GALNT13: variants seen among roughly 807,000 people sequenced by gnomAD.
The protein encoded by GALNT13 is UDP-GalNAc:polypeptide N-acetylgalactosaminyltransferase 13.
A neutral mutation model predicts 64.2 loss-of-function variants in GALNT13; 28 were observed. That is an observed-to-expected ratio of 0.44 (90% confidence interval 0.32 to 0.60). The LOEUF is 0.60. Among genes scored for constraint, GALNT13 ranks in the 20% least tolerant of loss-of-function variants. The probability of loss-of-function intolerance (pLI) is 0.05; values close to 1 mark genes in which losing one functional copy is unlikely to be tolerated. For synonymous variants in GALNT13, 214 were observed against 224.6 expected, an observed-to-expected ratio of 0.95 and a Z score of 0.42; for missense variants, 577 against 669.8, an observed-to-expected ratio of 0.86 and a Z score of 1.53.
intron 3 of GALNT13, among the ~76,000 whole-genome samples, chr2:154,126,550 G>A (rs1201307738): frequency 1.3e-5 from 2 of 151,778 alleles, no homozygotes; most frequent in Non-Finnish European, 2.9e-5. Context: ...CAGGAGAATG[G>A]CGTGAACCCG....
chr2:154,151,197 C>T (rs1387226502), intron 4 of GALNT13, among the ~76,000 whole-genome samples: 2 of 152,154 alleles, frequency 1.3e-5, no homozygotes, highest in Admixed American at 1.3e-4. Context: ...ATCCAGTAGT[C>T]ATTCAGGAGC....
intron 9 of GALNT13, among the ~76,000 whole-genome samples, chr2:154,306,007 T>C (rs1693710200): frequency 6.6e-6 from 1 of 152,184 alleles, no homozygotes; most frequent in Non-Finnish European, 1.5e-5. Context: ...GAATTATCCA[T>C]GGGTGTCTGG....
At chr2:153,359,341 T>C in the GALNT13 span, among the ~76,000 whole-genome samples, 2 of 152,216 alleles carry the variant, frequency 1.3e-5, no homozygotes, top group African/African-American at 2.4e-5. Context: ...TTAATTCATA[T>C]ACTAAGCAAC....
the GALNT13 span, among the ~76,000 whole-genome samples, chr2:153,292,493 G>A: frequency 6.6e-6 from 1 of 152,162 alleles, no homozygotes; most frequent in African/African-American, 2.4e-5. Context: ...GAACATGACA[G>A]GAGGTATGGC....
the GALNT13 span, among the ~76,000 whole-genome samples, chr2:153,240,523 G>T: frequency 6.6e-6 from 1 of 152,064 alleles, no homozygotes; most frequent in African/African-American, 2.4e-5. Context: ...TTGTACTGTT[G>T]GTCTTGGGGG....
chr2:153,514,613 A>C, the GALNT13 span, among the ~76,000 whole-genome samples: 1 of 151,604 alleles, frequency 6.6e-6, no homozygotes. Flanking sequence ...TCTCCTCCGC[A>C]CTCTCCATCA....
rs910666369 is a variant in GALNT13, at chr2:154,451,772, G to A, written c.*1221G>A. The stretch of plus-strand genomic sequence containing the variant: ...GAAAGTGAAAAAAAATCAGATTTTT[G>A]CTAGTAAGTTTTTATATTTGACATC... On this transcript the variant is annotated 3_prime_UTR_variant, in exon 13 of 13. Coordinates refer to ENST00000392825, the MANE Select transcript of GALNT13 (RefSeq NM_052917.4). The A allele has an allele frequency of 6.6e-6, 1 of 151,888 alleles. No homozygotes were observed. Among genetic ancestry groups the A allele is most frequent in the African/African-American group, 2.4e-5 (1 of 41,344 alleles). The allele number at this position is 151,888 out of a possible 1,614,324, so 9.4% of individuals were successfully genotyped here.
chr2:153,517,838 TC>T, the GALNT13 span, among the ~76,000 whole-genome samples: 2 of 152,120 alleles, frequency 1.3e-5, no homozygotes, highest in African/African-American at 4.8e-5. Flanking sequence ...TCAAGGTATC[TC>T]CCCTAGGATG....
At chr2:153,798,951 G>A in the GALNT13 span, among the ~76,000 whole-genome samples, 2 of 152,042 alleles carry the variant, frequency 1.3e-5, no homozygotes, top group African/African-American at 4.8e-5. Context: ...ATGTGTACCC[G>A]AGAAATACTG....
the GALNT13 span, among the ~76,000 whole-genome samples, chr2:153,652,950 T>G: frequency 4.2e-4 from 64 of 152,032 alleles, no homozygotes; most frequent in Non-Finnish European, 8.5e-4. Context: ...ATAATAAAAA[T>G]GAGGTAGTAT....
chr2:153,975,264 G>T (rs1694003902), intron 3 of GALNT13, among the ~76,000 whole-genome samples: 1 of 151,978 alleles, frequency 6.6e-6, no homozygotes, highest in Non-Finnish European at 1.5e-5. Context: ...CATTTACCTG[G>T]AGGATTTGAA....
Position 154,245,889 on chromosome 2 carries a change from A to T in GALNT13, c.764A>T (p.Tyr255Phe). 2 of 1,612,916 alleles carry T rather than the reference A, an allele frequency of 1.2e-6. No homozygotes were observed. The highest frequency in any genetic ancestry group is 1.7e-6 in the Non-Finnish European group (2 of 1,179,082). Residue 255 changes from tyrosine (Y) to phenylalanine (F), a missense_variant, in exon 7 of 13, where the codon TAT becomes TTT. Physicochemically the swap from Tyr to Phe is conservative, Grantham distance 22. This residue lies in a region of GALNT13 where 341 missense variants were observed against 379.3 expected (regional missense o/e 0.90). Transcript: ENST00000392825. ...TATATGGCTGGGTCAGACATGACTT[A>T]TGGGGGTTTTAACTGGAAACTGAAT... The part of the protein sequence containing the change: ...FEYMAGSDMT[Y>F]GGFNWKLNFR...
chr2:153,386,864 G>A, the GALNT13 span, among the ~76,000 whole-genome samples: 39,854 of 152,030 alleles, frequency 0.26, 6,747 homozygotes, highest in Non-Finnish European at 0.38. Flanking sequence ...AAATATGTGA[G>A]GCGATGCCCT....
chr2:153,707,563 AAC>A, the GALNT13 span, among the ~76,000 whole-genome samples: 5 of 152,182 alleles, frequency 3.3e-5, no homozygotes, highest in African/African-American at 1.2e-4. Context: ...TGTATGTGCT[AAC>A]ACATCTGTGA....
chr2:154,376,923 C>G (rs1698026278), intron 9 of GALNT13, among the ~76,000 whole-genome samples: 1 of 152,086 alleles, frequency 6.6e-6, no homozygotes, highest in African/African-American at 2.4e-5. Flanking sequence ...TATAATCCCT[C>G]ACACCTAGAA....
the GALNT13 span, among the ~76,000 whole-genome samples, chr2:153,293,601 T>C: frequency 1.3e-5 from 2 of 152,286 alleles, no homozygotes; most frequent in South Asian, 2.1e-4. Context: ...ACCTCCAGAA[T>C]TGTAAGACAA....
the GALNT13 span, among the ~76,000 whole-genome samples, chr2:153,663,164 A>G: frequency 6.6e-6 from 1 of 152,222 alleles, no homozygotes; most frequent in Non-Finnish European, 1.5e-5. Flanking sequence ...ATTTGTCAGA[A>G]TATTTGATGT....
chr2:153,679,140 T>C, the GALNT13 span, among the ~76,000 whole-genome samples: 1 of 151,942 alleles, frequency 6.6e-6, no homozygotes, highest in Non-Finnish European at 1.5e-5. Flanking sequence ...GTTCCTTGCT[T>C]CCCACTACAT....
the GALNT13 span, among the ~76,000 whole-genome samples, chr2:153,662,483 G>A: frequency 6.6e-6 from 1 of 152,144 alleles, no homozygotes; most frequent in Middle Eastern, 3.2e-3. Flanking sequence ...TTACTGCTCA[G>A]GCTTCTCTGG....
Sources: gnomAD v4.1 joint callset for allele counts (sites outside exome capture counted in the v4.1 genomes callset) on GRCh38, gnomAD v4.1.1 for gene constraint, gnomAD v4.1.1 regional missense constraint, MANE v1.5 for transcripts, NCBI Gene and HGNC (gene_info 2026-07-23, HGNC 2026-07-21) for gene names.